LEKR1: variants seen among roughly 807,000 people sequenced by gnomAD.
LEKR1 encodes the protein leucine, glutamate and lysine rich 1.
A neutral mutation model predicts 72.4 loss-of-function variants in LEKR1; 59 were observed. That is an observed-to-expected ratio of 0.82 (90% CI 0.66 to 1.01). The LOEUF is 1.01. Ranked by LOEUF, LEKR1 falls within the 50% of genes least tolerant of loss-of-function variation. The pLI, the probability that LEKR1 is intolerant of heterozygous loss-of-function variation, is 0.00. For synonymous variants in LEKR1, 257 were observed against 263.2 expected, an observed-to-expected ratio of 0.98 and a Z score of 0.23; for missense variants, 728 against 759.2, an observed-to-expected ratio of 0.96 and a Z score of 0.48.
chr3:157,007,255 C>T (rs771634380), intron 9 of LEKR1, among the ~76,000 whole-genome samples: 3 of 151,990 alleles, frequency 2.0e-5, no homozygotes, highest in Non-Finnish European at 4.4e-5. Flanking sequence ...ACCCCCTTAA[C>T]CACCCACCAT....
At chr3:156,827,927 A>C (rs1345361951) in intron 1 of LEKR1, among the ~76,000 whole-genome samples, 1 of 152,210 alleles carries the variant, frequency 6.6e-6, no homozygotes, top group Non-Finnish European at 1.5e-5. Context: ...ATAGAGTTGA[A>C]GTTACTATTT....
chr3:156,859,717 A>G (rs1024209280), intron 3 of LEKR1, among the ~76,000 whole-genome samples: 1 of 152,206 alleles, frequency 6.6e-6, no homozygotes, highest in Admixed American at 6.5e-5. Flanking sequence ...ATTAATACAG[A>G]ATAGTTTCAT....
At chr3:156,836,779 CCATGGAGAAGAAAAGA>C (rs1713197709) in intron 2 of LEKR1, among the ~76,000 whole-genome samples, 1 of 152,050 alleles carries the variant, frequency 6.6e-6, no homozygotes, top group Middle Eastern at 3.4e-3. Context: ...CAGAAGCTGT[CCATGGAGAAGAAAAGA>C]ATCAATAAAT....
At chr3:156,907,569 TC>T (rs1722647761) in intron 3 of LEKR1, among the ~76,000 whole-genome samples, 2 of 152,052 alleles carry the variant, frequency 1.3e-5, no homozygotes, top group Admixed American at 6.6e-5. Flanking sequence ...ACGTACCCAT[TC>T]TTTTATACCA....
intron 7 of LEKR1, among the ~76,000 whole-genome samples, chr3:156,985,145 G>T (rs558841739): frequency 6.6e-6 from 1 of 152,152 alleles, no homozygotes; most frequent in Non-Finnish European, 1.5e-5. Flanking sequence ...GGACTATTGT[G>T]TGCAGGCACT....
chr3:156,939,171 T>C (rs771472172), intron 5 of LEKR1, among the ~76,000 whole-genome samples: 3 of 152,170 alleles, frequency 2.0e-5, no homozygotes, highest in Non-Finnish European at 4.4e-5. Context: ...GTAATTATAT[T>C]TGGAGATAAG....
chr3:156,875,440 C>T (rs1007678298), intron 3 of LEKR1, among the ~76,000 whole-genome samples: 1 of 152,082 alleles, frequency 6.6e-6, no homozygotes, highest in Non-Finnish European at 1.5e-5. Context: ...TTGTTGGATG[C>T]ATAGTTTATG....
At chr3:156,993,857 T>C (rs1731334043) in intron 9 of LEKR1, among the ~76,000 whole-genome samples, 1 of 152,194 alleles carries the variant, frequency 6.6e-6, no homozygotes, top group Admixed American at 6.5e-5. Context: ...CCTTACTTTC[T>C]TTCTTTTTGT....
chr3:156,856,828 A>G (rs1304293435), intron 3 of LEKR1, among the ~76,000 whole-genome samples: 3 of 152,064 alleles, frequency 2.0e-5, no homozygotes, highest in Non-Finnish European at 2.9e-5. Context: ...TAACACACAC[A>G]TACCTGTAAA....
At chr3:156,924,366 A>C (rs1412708656) in intron 4 of LEKR1, 2 of 440,702 alleles carry the variant, frequency 4.5e-6, no homozygotes, top group Non-Finnish European at 4.0e-6. Flanking sequence ...TTCTGGGTAT[A>C]AGGCCTTTAT....
intron 3 of LEKR1, among the ~76,000 whole-genome samples, chr3:156,877,263 G>A (rs1359137793): frequency 6.6e-6 from 1 of 151,994 alleles, no homozygotes; most frequent in Non-Finnish European, 1.5e-5. Context: ...TGTCCATCAG[G>A]GATATTGGTC....
intron 4 of LEKR1, among the ~76,000 whole-genome samples, chr3:156,922,272 A>T (rs1375645251): frequency 6.6e-6 from 1 of 152,128 alleles, no homozygotes; most frequent in Non-Finnish European, 1.5e-5. Context: ...CTTTTGTTGC[A>T]TTACTAAAAG....
In LEKR1 at chr3:156,920,693, A is replaced by G. The variant is rs1560081161; in HGVS notation, c.382A>G (p.Ser128Gly). 7.3e-7 allele frequency: 1 copy of G among 1,366,848 alleles called. No individual in the cohort carries two copies. Among genetic ancestry groups the G allele is most frequent in the Admixed American group, 2.4e-5 (1 of 40,974 alleles). 84.7% of individuals were successfully genotyped at this position (1,366,848 alleles called of 1,614,324 possible). ...TAAATATAGACAATCATACATCTTCAGGTAAGATTAAAGAACTGAAAATTA... is the reference window on the plus strand; with the variant it reads ...TAAATATAGACAATCATACATCTTCGGGTAAGATTAAAGAACTGAAAATTA... The part of the protein sequence containing the change: ...KIKYRQSYIF[S>G]QRLSEYKYFW... Residue 128 changes from serine (S) to glycine (G), a missense_variant and splice_region_variant, in exon 4 of 13, where the codon AGT becomes GGT. By Grantham distance (56) the Ser-to-Gly change is moderately conservative (BLOSUM62 0). Transcript: ENST00000356539.
rs185290729 is a variant in LEKR1 at position 156,892,454 on chromosome 3, T to G, written c.264-28121T>G. On this transcript the variant is annotated intron_variant, in intron 3 of 12. Transcript: ENST00000356539. ...AAAACATAATTCTTGCTTTAAATCC[T>G]CCAAGGGACCCATAACACTGAGGAA... is the stretch of plus-strand genomic sequence containing the variant. Among the ~76,000 whole-genome samples, 321 of 152,300 alleles carry G rather than the reference T, an allele frequency of 2.1e-3. 2 individuals are homozygous for G. The highest frequency in any genetic ancestry group is 7.6e-3 in the African/African-American group (314 of 41,558).
intron 3 of LEKR1, among the ~76,000 whole-genome samples, chr3:156,916,593 G>A (rs926782006): frequency 1.3e-5 from 2 of 152,110 alleles, no homozygotes; most frequent in African/African-American, 2.4e-5. Context: ...AGTGATTTTT[G>A]TATGTTGATT....
rs1734359516 is a variant in LEKR1 at position 157,028,373 on chromosome 3, A to G, written c.1639A>G (p.Ile547Val). The G allele has an allele frequency of 1.2e-6, 2 of 1,608,544 alleles. No homozygotes were observed. Among genetic ancestry groups the G allele is most frequent in the Non-Finnish European group, 1.7e-6 (2 of 1,177,354 alleles). ...AGTAATGCTGGCTCAAACACAACTG[A>G]TAGAGCAATTTAACCAGTCCCAGGA... Reference protein sequence around the residue: ...KRVMLAQTQLIEQFNQSQEEN... With the variant: ...KRVMLAQTQLVEQFNQSQEEN... Residue 547 changes from isoleucine (I) to valine (V), a missense_variant, in exon 12 of 13, where the codon ATA becomes GTA. Physicochemically the swap from Ile to Val is conservative, Grantham distance 29 (BLOSUM62 3). Transcript: ENST00000356539.
chr3:156,938,072 A>G (rs1725877636), intron 5 of LEKR1, among the ~76,000 whole-genome samples: 1 of 152,118 alleles, frequency 6.6e-6, no homozygotes, highest in Non-Finnish European at 1.5e-5. Context: ...GTGGTAATAG[A>G]GCAATTTTGT....
chr3:156,843,335 A>C (rs1714172187), intron 2 of LEKR1, among the ~76,000 whole-genome samples: 1 of 152,182 alleles, frequency 6.6e-6, no homozygotes, highest in Non-Finnish European at 1.5e-5. Flanking sequence ...AAATCAAAAC[A>C]ACAGCAACAA....
intron 5 of LEKR1, among the ~76,000 whole-genome samples, chr3:156,937,302 AATAT>A (rs1291830018): frequency 2.0e-5 from 3 of 152,360 alleles, no homozygotes; most frequent in African/African-American, 7.2e-5. Context: ...TTATATGTAG[AATAT>A]ATAAATAACT....
Sources: gnomAD v4.1 joint callset for allele counts (sites outside exome capture counted in the v4.1 genomes callset) on GRCh38, gnomAD v4.1.1 for gene constraint, MANE v1.5 for transcripts, NCBI Gene and HGNC (gene_info 2026-07-23, HGNC 2026-07-21) for gene names.